The following KLHL2 variants were observed in gnomAD, a reference collection of about 807,000 sequenced individuals.
KLHL2 encodes the protein kelch like family member 2, also known as kelch-like protein 2.
Under a neutral mutation model 75.8 loss-of-function variants are expected in KLHL2, and 15 were observed. That is an observed-to-expected ratio of 0.20 (90% confidence interval 0.13 to 0.30). KLHL2 has a LOEUF of 0.30. KLHL2 is among the 10% of genes least tolerant of loss of function. The pLI is 1.00. For synonymous variants in KLHL2, 214 were observed against 251.9 expected (o/e 0.85, Z 1.42); for missense variants, 381 against 741.0 (o/e 0.51, Z 5.64).
intron 8 of KLHL2, 75 bp downstream of exon 8, chr4:165,299,731 T>C (rs1745205927): frequency 1.5e-6 from 2 of 1,319,526 alleles, no homozygotes; most frequent in Admixed American, 2.6e-5. Context: ...ATTTTGCTCA[T>C]TTGAATTTCC....
rs140313568 is a variant in KLHL2 at position 165,210,216 on chromosome 4, A to C, written c.26+2314A>C. The C allele has an allele frequency of 5.6e-4, 866 of 1,534,530 alleles. 6 individuals carry two copies. In the East Asian group the frequency reaches 0.012, roughly 21 times the overall value. Reference sequence around the variant, plus strand: ...GTTTATTAATTCATTCAATGTGCAAATATTTGAATGCCTGTCTCTGCCTGG... The same window carrying C: ...GTTTATTAATTCATTCAATGTGCAACTATTTGAATGCCTGTCTCTGCCTGG... On this transcript the variant is annotated intron_variant, in intron 1 of 14. Coordinates refer to ENST00000226725, the MANE Select transcript of KLHL2 (RefSeq NM_007246.4).
At chr4:165,268,427 T>C (rs565439745) in intron 5 of KLHL2, among the ~76,000 whole-genome samples, 290 of 152,282 alleles carry the variant, frequency 1.9e-3, no homozygotes, top group Non-Finnish European at 2.9e-3. Context: ...TTAGATCTTT[T>C]CTGCTTTCTC....
intron 4 of KLHL2, among the ~76,000 whole-genome samples, chr4:165,262,886 T>C (rs1171383871): frequency 6.6e-6 from 1 of 152,088 alleles, no homozygotes; most frequent in Non-Finnish European, 1.5e-5. Context: ...GCCAAGAATT[T>C]GTGTTTTTAG....
chr4:165,305,186 C>T (rs1465288443), intron 8 of KLHL2, among the ~76,000 whole-genome samples: 1 of 152,026 alleles, frequency 6.6e-6, no homozygotes, highest in East Asian at 1.9e-4. Context: ...TTCACTTCAC[C>T]TACCCAGTAA....
At chr4:165,223,101 A>G (rs1738138329) in intron 2 of KLHL2, among the ~76,000 whole-genome samples, 1 of 152,384 alleles carries the variant, frequency 6.6e-6, no homozygotes, top group African/African-American at 2.4e-5. Flanking sequence ...CAGGAGGCCC[A>G]GAGACCTAGC....
chr4:165,288,002 C>A (rs1744214865), intron 5 of KLHL2, among the ~76,000 whole-genome samples: 1 of 152,134 alleles, frequency 6.6e-6, no homozygotes, highest in South Asian at 2.1e-4. Flanking sequence ...ATGCACTGAA[C>A]TTTTAACTTT....
At chr4:165,213,653 G>A (rs1737352419) in intron 1 of KLHL2, among the ~76,000 whole-genome samples, 1 of 152,194 alleles carries the variant, frequency 6.6e-6, no homozygotes, top group Non-Finnish European at 1.5e-5. Flanking sequence ...TTCCTGTTTA[G>A]ATGGTAAATG....
chr4:165,225,484 G>A (rs1220040601), intron 2 of KLHL2, among the ~76,000 whole-genome samples: 4 of 152,256 alleles, frequency 2.6e-5, no homozygotes, highest in East Asian at 3.9e-4. Flanking sequence ...TTTTGGAGGC[G>A]TTGTTTTCCT....
intron 3 of KLHL2, among the ~76,000 whole-genome samples, chr4:165,236,764 A>G (rs1417987797): frequency 6.6e-6 from 1 of 152,224 alleles, no homozygotes; most frequent in Non-Finnish European, 1.5e-5. Flanking sequence ...GTAAATTAAT[A>G]TAAAAATATT....
chr4:165,309,631 T>C (rs990749570), intron 9 of KLHL2, among the ~76,000 whole-genome samples: 2 of 152,232 alleles, frequency 1.3e-5, no homozygotes, highest in African/African-American at 4.8e-5. Flanking sequence ...AATAAAACTA[T>C]ATTTATGGAT....
chr4:165,299,835 AG>A (rs1200367555), intron 8 of KLHL2, among the ~76,000 whole-genome samples, 179 bp downstream of exon 8: 4 of 152,160 alleles, frequency 2.6e-5, no homozygotes, highest in Non-Finnish European at 5.9e-5. Flanking sequence ...TTATATGTTA[AG>A]GGTGGGGATT....
chr4:165,320,031 A>C (rs1746850304), intron 14 of KLHL2, among the ~76,000 whole-genome samples: 1 of 152,184 alleles, frequency 6.6e-6, no homozygotes, highest in African/African-American at 2.4e-5. Flanking sequence ...AAAAAATGTC[A>C]AGATAACAGG....
At position 165,305,692 on chromosome 4, in the gene KLHL2, G is replaced by A; in HGVS notation, c.1006G>A (p.Val336Ile). The change falls in exon 9 of 15, where the codon GTA becomes ATA. Residue 336 changes from valine to isoleucine, a missense_variant. Val to Ile is a conservative substitution (Grantham distance 29). Around this residue, in one of 5 missense-constraint regions of KLHL2, gnomAD observed 168 missense variants for 370.4 expected, o/e 0.45. Coordinates refer to ENST00000226725, the MANE Select transcript of KLHL2 (RefSeq NM_007246.4). ...YDFKEERWHQ[V>I]AELPSRRCRA... The stretch of plus-strand genomic sequence containing the variant: ...CTTTAAAGAAGAAAGGTGGCACCAA[G>A]TAGCAGAGTTGCCTTCCAGGAGGTG... 1 of 1,614,136 alleles carries A rather than the reference G, an allele frequency of 6.2e-7. No individual in the cohort carries two copies. Among genetic ancestry groups the A allele is most frequent in the Non-Finnish European group, 8.5e-7 (1 of 1,179,970 alleles).
At chr4:165,304,813 T>G (rs2126538503) in intron 8 of KLHL2, among the ~76,000 whole-genome samples, 1 of 152,322 alleles carries the variant, frequency 6.6e-6, no homozygotes, top group Non-Finnish European at 1.5e-5. Context: ...AAGTCTTGTC[T>G]CCTTAGTGAG....
At chr4:165,237,314 G>A (rs1427937231) in intron 3 of KLHL2, among the ~76,000 whole-genome samples, 3 of 146,934 alleles carry the variant, frequency 2.0e-5, no homozygotes, top group Non-Finnish European at 4.5e-5. Context: ...AACATTTGCC[G>A]TAGCACCAGA....
At chr4:165,246,843 G>T (rs970870256) in intron 4 of KLHL2, among the ~76,000 whole-genome samples, 2 of 152,160 alleles carry the variant, frequency 1.3e-5, no homozygotes, top group African/African-American at 2.4e-5. Flanking sequence ...AGGTAGATTT[G>T]GTGTATTGGT....
intron 4 of KLHL2, among the ~76,000 whole-genome samples, chr4:165,251,601 GGTTTTTTTTTTTT>G (rs1159144879): frequency 4.0e-5 from 6 of 149,550 alleles, no homozygotes; most frequent in Non-Finnish European, 5.9e-5. Context: ...AACCCAAAGT[GGTTTTTTTTTTTT>G]GTTTTTTTTT....
At chr4:165,277,775 A>C (rs1743252023) in intron 5 of KLHL2, 2 of 615,328 alleles carry the variant, frequency 3.3e-6, no homozygotes, top group Non-Finnish European at 2.9e-6. Flanking sequence ...ACACACACAC[A>C]CACACACACA....
At chr4:165,244,818 A>G (rs1307180326) in intron 4 of KLHL2, among the ~76,000 whole-genome samples, 1 of 152,206 alleles carries the variant, frequency 6.6e-6, no homozygotes, top group Non-Finnish European at 1.5e-5. Flanking sequence ...GCGTAGGAGC[A>G]CTGACCTGAT....
Sources: allele counts gnomAD v4.1 joint callset (sites outside exome capture counted in the v4.1 genomes callset), GRCh38; gene constraint gnomAD v4.1.1; regional missense constraint gnomAD v4.1.1; transcripts MANE v1.5; gene names NCBI Gene and HGNC (gene_info 2026-07-23, HGNC 2026-07-21).